TTN: variants seen among roughly 807,000 people sequenced by gnomAD.
TTN encodes the protein connectin.
In TTN, 1,525 loss-of-function variants were observed where a neutral mutation model predicts 3,223.0. That is an observed-to-expected ratio of 0.47 (90% CI 0.45 to 0.49). The LOEUF (loss-of-function observed/expected upper bound fraction) is 0.49, where lower values mean the gene tolerates loss of function less well. Ranked by LOEUF, TTN falls within the 20% of genes least tolerant of loss-of-function variation. TTN has a pLI of 0.00. For synonymous variants in TTN, 14,094 were observed against 15,161.0 expected (o/e 0.93, Z 5.17); for missense variants, 40,786 against 43,424.0 (o/e 0.94, Z 5.40).
intron 47 of TTN, among the ~76,000 whole-genome samples, chr2:178,752,402 C>T (rs866753079): frequency 3.9e-5 from 6 of 152,116 alleles, no homozygotes; most frequent in East Asian, 3.9e-4. Context: ...GTGGAATAAA[C>T]GCCCTTTCTG....
At chr2:178,530,210 TAAAAG>T (rs770434519) in intron 358 of TTN, 26 bp downstream of exon 358, 3 of 1,562,146 alleles carry the variant, frequency 1.9e-6, no homozygotes, top group African/African-American at 2.8e-5. Flanking sequence ...TTTTAGAAGA[TAAAAG>T]AAAGAGACAT....
Position 178,739,164 on chromosome 2 carries a change from G to A in TTN, c.14069C>T (p.Ala4690Val). 6.6e-7 allele frequency: 1 copy of A among 1,512,662 alleles called. No individual in the cohort carries two copies. The highest frequency in any genetic ancestry group is 8.8e-7 in the Non-Finnish European group (1 of 1,132,136). 93.7% of individuals were successfully genotyped at this position (1,512,662 alleles called of 1,614,324 possible). The change falls in exon 48 of 363, where the codon GCC (alanine) becomes GTC (valine). Residue 4690 changes from alanine to valine, a missense_variant. Coordinates refer to ENST00000589042, the MANE Select transcript of TTN (RefSeq NM_001267550.2). ...ACCTCTTTTTACTACAGTGAGTTTG[G>A]CTGAAGTTGCTGTTTTTCCGCTGTC... ...LNDSGKTATS[A>V]KLTVVKRAAP...
rs370299812 is a variant in TTN at position 178,733,432 on chromosome 2, C to T, written c.15861G>A (p.Thr5287=). ...PATLEYTVAG[T]PELKPKWYKD... is the part of the protein sequence containing the mutation. The stretch of plus-strand genomic sequence containing the variant: ...TGTACCATTTGGGCTTCAGTTCTGG[C>T]GTGCCTGCCACTGTGTACTCCAGTG... Residue 5287 remains threonine (T), a synonymous_variant, in exon 54 of 363, where the codon ACG becomes ACA. Transcript: ENST00000589042. 2.2e-5 allele frequency: 36 copies of T among 1,613,648 alleles called. 1 individual carries two copies. The highest frequency in any genetic ancestry group is 6.7e-5 in the Admixed American group (4 of 59,986).
chr2:178,769,919 T>C lies in TTN; in HGVS notation c.8662A>G (p.Met2888Val), dbSNP rs1038686184. The change falls in exon 37 of 363, where the codon ATG becomes GTG. Residue 2888 changes from methionine to valine, a missense_variant. Met to Val is a conservative substitution (Grantham distance 21). Coordinates refer to ENST00000589042, the MANE Select transcript of TTN (RefSeq NM_001267550.2). ...GTCTCAGGCACCTCGATATTTTTCA[T>C]GGTTTTTGTAATATGTAATGCTTGG... The part of the protein sequence containing the change: ...FVETLHITKT[M>V]KNIEVPETKT... The C allele has an allele frequency of 1.9e-6, 3 of 1,613,980 alleles. No individual in the cohort carries two copies. The highest frequency in any genetic ancestry group is 2.2e-5 in the East Asian group (1 of 44,880).
chr2:178,535,149 A>G lies in TTN; in HGVS notation c.101466T>C (p.Ala33822=), dbSNP rs1335116544. The G allele has an allele frequency of 6.2e-7, 1 of 1,613,878 alleles. No individual in the cohort carries two copies. Among genetic ancestry groups the G allele is most frequent in the Non-Finnish European group, 8.5e-7 (1 of 1,179,846 alleles). ...CAAACTCACCACGCCCAAGATCTTC[A>G]GCAATCATATATTTCTCATAGAGTT... is the stretch of plus-strand genomic sequence containing the variant. ...TKELYEKYMI[A]EDLGRGEFGI... is the part of the protein sequence containing the mutation. The change falls in exon 358 of 363, where the codon GCT becomes GCC. Residue 33822 remains alanine, a synonymous_variant. Transcript: ENST00000589042.
chr2:178,732,020 C>T (rs752182327), intron 57 of TTN, 46 bp downstream of exon 57: 2 of 1,588,950 alleles, frequency 1.3e-6, no homozygotes, highest in East Asian at 2.2e-5. Context: ...GGGTCTGTGC[C>T]ATGGGCCATA....
intron 294 of TTN, among the ~76,000 whole-genome samples, chr2:178,597,295 T>C (rs2051960635): frequency 6.6e-6 from 1 of 152,120 alleles, no homozygotes; most frequent in Non-Finnish European, 1.5e-5. Context: ...TGGATGCATG[T>C]CTTCTTGTTA....
rs886081307 is a variant in TTN at position 178,580,244 on chromosome 2, G to T, written c.67058-15C>A. 24 of 1,608,776 alleles carry T rather than the reference G, an allele frequency of 1.5e-5. No individual in the cohort carries two copies. The highest frequency in any genetic ancestry group is 2.0e-5 in the Non-Finnish European group (23 of 1,178,452). On this transcript the variant is annotated splice_polypyrimidine_tract_variant and intron_variant, in intron 317 of 362. Transcript: ENST00000589042. ...CCCAGGAGTATCTGGATAAATAGTA[G>T]GTAAATAAGAAATGAATGTGTAAAA...
rs755162184 is a variant in TTN, at chr2:178,636,737, C to T, written c.40990G>A (p.Gly13664Ser). Residue 13664 changes from glycine to serine, a missense_variant, in exon 225 of 363, where the codon GGT (glycine) becomes AGT (serine). Physicochemically the swap from Gly to Ser is moderately conservative, Grantham distance 56. Transcript: ENST00000589042. The surrounding 1 kb of genome is among the most constrained non-coding windows in gnomAD (Gnocchi z 4.3). Reference sequence around the variant, plus strand: ...GCTTCATCAGGAGGTTTCTCTCCACCACTTCCTGGCCTTAACTTTCTCCTT... The same window carrying T: ...GCTTCATCAGGAGGTTTCTCTCCACTACTTCCTGGCCTTAACTTTCTCCTT... ...AERRKLRPGS[G>S]GEKPPDEAPF... 2 of 1,612,380 alleles carry T rather than the reference C, an allele frequency of 1.2e-6. No homozygotes were observed. The highest frequency in any genetic ancestry group is 1.7e-6 in the Non-Finnish European group (2 of 1,178,776).
At position 178,611,130 on chromosome 2, in the gene TTN, C is replaced by G. The variant is rs767481574; in HGVS notation, c.50999G>C (p.Arg17000Thr). The G allele has an allele frequency of 2.5e-6, 4 of 1,612,852 alleles. No homozygotes were observed. The highest frequency in any genetic ancestry group is 3.4e-6 in the Non-Finnish European group (4 of 1,179,236). The change falls in exon 270 of 363, where the codon AGA (arginine) becomes ACA (threonine). Residue 17000 changes from arginine (R) to threonine (T), a missense_variant. Coordinates refer to ENST00000589042, the MANE Select transcript of TTN (RefSeq NM_001267550.2). ...KDGKEVKASDRLTMKNDHISA... is the reference protein window; with the variant it reads ...KDGKEVKASDTLTMKNDHISA... Reference sequence around the variant, plus strand: ...GATGTGATCATTCTTCATTGTTAATCTATCACTTGCTTTAACTTCTTTGCC... The same window carrying G: ...GATGTGATCATTCTTCATTGTTAATGTATCACTTGCTTTAACTTCTTTGCC...
At position 178,748,578 on chromosome 2, in the gene TTN, G is replaced by C. The variant is rs558862374; in HGVS notation, c.11311+4546C>G. 4.4e-5 allele frequency: 71 copies of C among 1,612,940 alleles called. No individual in the cohort carries two copies. The highest frequency in any genetic ancestry group is 5.9e-5 in the Non-Finnish European group (69 of 1,179,400). ...AATACAATGTTCTCAGTGTCAGCAGGATGTTGGATTTTAAAATAAGCTTCT... is the reference window on the plus strand; with the variant it reads ...AATACAATGTTCTCAGTGTCAGCAGCATGTTGGATTTTAAAATAAGCTTCT... On this transcript the variant is annotated intron_variant, in intron 47 of 362. Coordinates refer to ENST00000589042, the MANE Select transcript of TTN (RefSeq NM_001267550.2).
rs201394117 is a variant in TTN at position 178,723,895 on chromosome 2, C to A, written c.21364G>T (p.Ala7122Ser). 2 of 1,612,896 alleles carry A rather than the reference C, an allele frequency of 1.2e-6. No homozygotes were observed. Among genetic ancestry groups the A allele is most frequent in the Non-Finnish European group, 8.5e-7 (1 of 1,179,168 alleles). ...GNYTCVAANV[A>S]GSDECRAVLT... ...ACTGCACGACATTCATCAGACCCAGCGACATTAGCAGCCACGCATGTGTAA... is the reference window on the plus strand; with the variant it reads ...ACTGCACGACATTCATCAGACCCAGAGACATTAGCAGCCACGCATGTGTAA... Residue 7122 changes from alanine (A) to serine (S), a missense_variant, in exon 73 of 363, where the codon GCT (alanine) becomes TCT (serine). Transcript: ENST00000589042.
At chr2:178,652,070 A>G in intron 204 of TTN, 26 bp downstream of exon 204, 1 of 1,612,670 alleles carries the variant, frequency 6.2e-7, no homozygotes, top group Non-Finnish European at 8.5e-7. Context: ...TTTAAAAAAC[A>G]CTAATTTGAA....
rs199834143 is a variant in TTN at position 178,621,577 on chromosome 2, G to A, written c.45247C>T (p.Arg15083Trp). ...TTCTGAATGACCAGGATTCTCTTCCGTCCTTCAGTCAGTATTTCATATCTT... is the reference window on the plus strand; with the variant it reads ...TTCTGAATGACCAGGATTCTCTTCCATCCTTCAGTCAGTATTTCATATCTT... Reference protein sequence around the residue: ...TGRYEILTEGRKRILVIQNAH... With the variant: ...TGRYEILTEGWKRILVIQNAH... The change falls in exon 245 of 363, where the codon CGG becomes TGG. Residue 15083 changes from arginine to tryptophan, a missense_variant. Physicochemically the swap from Arg to Trp is moderately radical, Grantham distance 101. Transcript: ENST00000589042. 1.0e-4 allele frequency: 164 copies of A among 1,612,288 alleles called. No homozygotes were observed. The highest frequency in any genetic ancestry group is 1.2e-4 in the Admixed American group (7 of 59,826).
intron 111 of TTN, among the ~76,000 whole-genome samples, chr2:178,700,642 G>T (rs1238977555): frequency 6.6e-6 from 1 of 152,150 alleles, no homozygotes; most frequent in African/African-American, 2.4e-5. Context: ...AGGTACAAAA[G>T]AAGTCAAATA....
At chr2:178,743,500 CAG>C (rs1367700403) in intron 47 of TTN, among the ~76,000 whole-genome samples, 1 of 151,878 alleles carries the variant, frequency 6.6e-6, no homozygotes, top group African/African-American at 2.4e-5. Context: ...TTGAAACTAA[CAG>C]AATTACAGAA....
intron 213 of TTN, among the ~76,000 whole-genome samples, chr2:178,648,858 C>G (rs1447905245): frequency 6.6e-6 from 1 of 152,138 alleles, no homozygotes; most frequent in Non-Finnish European, 1.5e-5. Flanking sequence ...GTAATCACTT[C>G]CTGTCTGTAT....
chr2:178,531,775 C>T lies in TTN; in HGVS notation c.104840G>A (p.Arg34947Lys). The T allele has an allele frequency of 6.2e-7, 1 of 1,613,994 alleles. No individual in the cohort carries two copies. The highest frequency in any genetic ancestry group is 1.1e-5 in the South Asian group (1 of 91,080). Residue 34947 changes from arginine to lysine, a missense_variant, in exon 358 of 363, where the codon AGA becomes AAA. Transcript: ENST00000589042. ...TLDHAPRITL[R>K]MRSHRVPCGQ... Reference sequence around the variant, plus strand: ...ACATGGTACCCTGTGCGAGCGCATTCTCAGTGTGATTCGAGGGGCATGGTC... The same window carrying T: ...ACATGGTACCCTGTGCGAGCGCATTTTCAGTGTGATTCGAGGGGCATGGTC...
intron 278 of TTN, 43 bp downstream of exon 278, chr2:178,606,978 G>A: frequency 6.4e-7 from 1 of 1,570,416 alleles, no homozygotes; most frequent in African/African-American, 1.4e-5. Context: ...ATAACTAGAA[G>A]CAAAACATTA....
Sources: gnomAD v4.1 joint callset for allele counts (sites outside exome capture counted in the v4.1 genomes callset) on GRCh38, gnomAD v4.1.1 for gene constraint, Gnocchi (gnomAD v3.1) non-coding constraint, MANE v1.5 for transcripts, NCBI Gene and HGNC (gene_info 2026-07-23, HGNC 2026-07-21) for gene names.